ANKRA2: variants seen among roughly 807,000 people sequenced by gnomAD.
ANKRA2 encodes ankyrin repeat family A member 2, also known as ankyrin repeat family A protein 2.
In ANKRA2, 33 loss-of-function variants were observed where a neutral mutation model predicts 37.8. The observed-to-expected ratio is 0.87, with a 90% CI of 0.66 to 1.17. The LOEUF is 1.17. Among genes scored for constraint, ANKRA2 ranks in the 50% most tolerant of loss-of-function variants. The pLI, the probability that ANKRA2 is intolerant of heterozygous loss-of-function variation, is 0.00. For synonymous variants in ANKRA2, 126 were observed against 132.3 expected (o/e 0.95, Z 0.33); for missense variants, 326 against 373.7 (o/e 0.87, Z 1.05).
Position 73,554,977 on chromosome 5 carries a change from G to T in ANKRA2, c.622C>A (p.Pro208Thr). The T allele has an allele frequency of 1.2e-6, 2 of 1,613,082 alleles. No homozygotes were observed. The highest frequency in any genetic ancestry group is 1.7e-6 in the Non-Finnish European group (2 of 1,179,620). ...VEFLLQNGAD[P>T]QLLGKGRESA... ...TCTCGACCTTTTCCTAAAAGTTGGG[G>T]ATCAGCACCCTGGTATGGGAAGTAG... The change falls in exon 6 of 9, where the codon CCC becomes ACC. Residue 208 changes from proline (P) to threonine (T), a missense_variant. Coordinates refer to ENST00000296785, the MANE Select transcript of ANKRA2 (RefSeq NM_023039.5).
intron 6 of ANKRA2, 154 bp from the exon 7 acceptor site, chr5:73,554,542 G>A: frequency 1.7e-6 from 1 of 599,190 alleles, no homozygotes; most frequent in South Asian, 2.2e-5. Context: ...ACTAATAATT[G>A]AGTCTATGAT....
intron 3 of ANKRA2, among the ~76,000 whole-genome samples, chr5:73,559,352 CTTTTT>C (rs5868686): frequency 6.6e-6 from 1 of 151,858 alleles, no homozygotes; most frequent in Non-Finnish European, 1.5e-5. Context: ...TGCTGTTTTT[CTTTTT>C]TTTAACATAC....
chr5:73,555,224 C>CA lies in ANKRA2; in HGVS notation c.613-239dup, dbSNP rs1283452310. On this transcript the variant is annotated intron_variant, in intron 5 of 8. Transcript: ENST00000296785. Reference sequence around the variant, plus strand: ...CTCTGGAGTCAAGTCACAGCTCCTCCATGAAGCCTTCTCCTTCAAAGCTGA... The same window carrying CA: ...CTCTGGAGTCAAGTCACAGCTCCTCCAATGAAGCCTTCTCCTTCAAAGCTGA... The CA allele has an allele frequency of 2.4e-5, 31 of 1,310,402 alleles. No individual in the cohort carries two copies. The Admixed American group carries it at 8.8e-4, about 37-fold the overall frequency. The allele number at this position is 1,310,402 out of a possible 1,614,324, so 81.2% of individuals were successfully genotyped here. A position where few individuals can be genotyped will look rare whatever the true frequency, so the allele number is the denominator to read the frequency against.
chr5:73,564,843 T>A (rs1426281786), intron 1 of ANKRA2, among the ~76,000 whole-genome samples: 1 of 151,922 alleles, frequency 6.6e-6, no homozygotes, highest in East Asian at 1.9e-4. Context: ...GCAAAGTTGA[T>A]TGGTAGGCCA....
intron 2 of ANKRA2, 168 bp downstream of exon 2, chr5:73,562,425 T>C (rs1747581495): frequency 3.5e-6 from 2 of 579,290 alleles, no homozygotes; most frequent in African/African-American, 1.9e-5. Flanking sequence ...AATTAGATAT[T>C]ATATAATCTG....
At chr5:73,557,143 G>A (rs1404278879) in intron 4 of ANKRA2, among the ~76,000 whole-genome samples, 1 of 151,150 alleles carries the variant, frequency 6.6e-6, no homozygotes, top group Non-Finnish European at 1.5e-5. Flanking sequence ...GCAATACAAT[G>A]CACACTTATG....
intron 4 of ANKRA2, among the ~76,000 whole-genome samples, chr5:73,556,181 C>G (rs1197823569): frequency 6.6e-6 from 1 of 152,198 alleles, no homozygotes; most frequent in African/African-American, 2.4e-5. Context: ...AATGAATAGT[C>G]TGAAATACAG....
chr5:73,559,851 T>C (rs922621633), intron 3 of ANKRA2, among the ~76,000 whole-genome samples: 1 of 152,140 alleles, frequency 6.6e-6, no homozygotes, highest in South Asian at 2.1e-4. Context: ...CTTGACCTCC[T>C]GGGCTCAAGT....
At position 73,562,819 on chromosome 5, in the gene ANKRA2, A is replaced by T; in HGVS notation, c.63T>A (p.Thr21=). 6.2e-7 allele frequency: 1 copy of T among 1,614,174 alleles called. No homozygotes were observed. Among genetic ancestry groups the T allele is most frequent in the South Asian group, 1.1e-5 (1 of 91,084 alleles). Residue 21 remains threonine, a synonymous_variant, in exon 2 of 9, where the codon ACT becomes ACA. Coordinates refer to ENST00000296785, the MANE Select transcript of ANKRA2 (RefSeq NM_023039.5). ...AQLIVEECPS[T]YSLTGMPDIK... ...TGTCTGGCATGCCAGTTAGGCTATA[A>T]GTGCTGGGACACTCTTCCACGATAA...
intron 3 of ANKRA2, among the ~76,000 whole-genome samples, chr5:73,560,088 A>C (rs1747506791): frequency 6.6e-6 from 1 of 152,166 alleles, no homozygotes; most frequent in Admixed American, 6.5e-5. Flanking sequence ...TAAAAATGCA[A>C]GAATATATGA....
chr5:73,565,409 G>C lies in ANKRA2; in HGVS notation c.-382C>G. 1 of 228,498 alleles carries C rather than the reference G, an allele frequency of 4.4e-6. No homozygotes were observed. The highest frequency in any genetic ancestry group is 5.0e-5 in the South Asian group (1 of 20,196). The allele number at this position is 228,498 out of a possible 1,614,324, so 14.2% of individuals were successfully genotyped here. A position where few individuals can be genotyped will look rare whatever the true frequency, so the allele number is the denominator to read the frequency against. ...GCTTCAGTACAGGCCTCCAAGCCCGGGCTTGTTTTGGCCGCGACGTCACTT... is the reference window on the plus strand; with the variant it reads ...GCTTCAGTACAGGCCTCCAAGCCCGCGCTTGTTTTGGCCGCGACGTCACTT... On this transcript the variant is annotated 5_prime_UTR_variant, in exon 1 of 9. Coordinates refer to ENST00000296785, the MANE Select transcript of ANKRA2 (RefSeq NM_023039.5).
chr5:73,554,426 G>A (rs1215073405), intron 6 of ANKRA2, 38 bp from the exon 7 acceptor site: 2 of 1,429,314 alleles, frequency 1.4e-6, no homozygotes, highest in East Asian at 4.6e-5. Flanking sequence ...TTTTCACGGT[G>A]AGCAAGACTC....
chr5:73,554,851 A>T lies in ANKRA2; in HGVS notation c.738+10T>A. The T allele has an allele frequency of 1.9e-6, 3 of 1,610,162 alleles. No homozygotes were observed. Among genetic ancestry groups the T allele is most frequent in the Non-Finnish European group, 2.5e-6 (3 of 1,178,584 alleles). ...CTAGAGTCATTTTAAATTTAGTATT[A>T]CAAACTTACCCAATCATATTCATTT... On this transcript the variant is annotated intron_variant, in intron 6 of 8. Coordinates refer to ENST00000296785, the MANE Select transcript of ANKRA2 (RefSeq NM_023039.5).
In ANKRA2 at chr5:73,562,580, CAT is replaced by C; in HGVS notation, c.289+11_289+12del. The C allele has an allele frequency of 6.3e-7, 1 of 1,586,110 alleles. No individual in the cohort carries two copies. Among genetic ancestry groups the C allele is most frequent in the Non-Finnish European group, 8.6e-7 (1 of 1,166,270 alleles). On this transcript the variant is annotated intron_variant, in intron 2 of 8. Transcript: ENST00000296785. ...CAAAAACAAATGCAGATATTTATAC[CAT>C]AACTTTCAACCTTTAAATAGGACAG...
In ANKRA2 at chr5:73,553,480, C is replaced by G. The variant is rs781512404; in HGVS notation, c.812G>C (p.Gly271Ala). 2 of 1,611,974 alleles carry G rather than the reference C, an allele frequency of 1.2e-6. No individual in the cohort carries two copies. Among genetic ancestry groups the G allele is most frequent in the Non-Finnish European group, 1.7e-6 (2 of 1,178,382 alleles). Reference sequence around the variant, plus strand: ...GTCAGTTTCAATTGTTGGATCAGCCCCACTTTCTATACCAAAATAGAAAAA... The same window carrying G: ...GTCAGTTTCAATTGTTGGATCAGCCGCACTTTCTATACCAAAATAGAAAAA... The part of the protein sequence containing the change: ...VKCVKMLLES[G>A]ADPTIETDSG... The change falls in exon 8 of 9, where the codon GGG (glycine) becomes GCG (alanine). Residue 271 changes from glycine (G) to alanine (A), a missense_variant. Around this residue, in one of 3 missense-constraint regions of ANKRA2, gnomAD observed 228 missense variants for 260.2 expected, o/e 0.88. Coordinates refer to ENST00000296785, the MANE Select transcript of ANKRA2 (RefSeq NM_023039.5).
Position 73,565,378 on chromosome 5 carries a change from AGGCCAGC to A in ANKRA2, c.-358_-352del. ...ACAGCGAGTCGGGCCTTCCCATCTG[AGGCCAGC>A]TTCAGTACAGGCCTCCAAGCCCGGG... On this transcript the variant is annotated 5_prime_UTR_variant, in exon 1 of 9. Transcript: ENST00000296785. The A allele has an allele frequency of 6.3e-6, 1 of 158,054 alleles. No individual in the cohort carries two copies. The highest frequency in any genetic ancestry group is 1.5e-4 in the South Asian group (1 of 6,794). 9.8% of individuals were successfully genotyped at this position (158,054 alleles called of 1,614,324 possible).
At chr5:73,557,996 G>C (rs1200761338) in intron 3 of ANKRA2, among the ~76,000 whole-genome samples, 2 of 151,986 alleles carry the variant, frequency 1.3e-5, no homozygotes, top group African/African-American at 4.8e-5. Flanking sequence ...GGAATCACTT[G>C]AATCAGGGAG....
rs763876115 is a variant in ANKRA2 at position 73,561,210 on chromosome 5, A to G, written c.368T>C (p.Phe123Ser). 17 of 1,613,496 alleles carry G rather than the reference A, an allele frequency of 1.1e-5. No homozygotes were observed. The highest frequency in any genetic ancestry group is 8.5e-7 in the Non-Finnish European group (1 of 1,179,588). ...AGTGGTTGACTGTTTTATGGGTGAG[A>G]AATGCTTTGTTGTAGAGGGGGTGTA... Reference protein sequence around the residue: ...HVYTPSTTKHFSPIKQSTTLT... With the variant: ...HVYTPSTTKHSSPIKQSTTLT... The change falls in exon 3 of 9, where the codon TTC becomes TCC. Residue 123 changes from phenylalanine to serine, a missense_variant. Transcript: ENST00000296785.
chr5:73,563,766 A>G (rs1747621622), intron 1 of ANKRA2, among the ~76,000 whole-genome samples: 1 of 20,182 alleles, frequency 5.0e-5, no homozygotes, highest in Non-Finnish European at 1.5e-4. Context: ...ATTGCCTCTT[A>G]GGAATTTTGA....
Sources: gnomAD v4.1 joint callset for allele counts (sites outside exome capture counted in the v4.1 genomes callset) on GRCh38, gnomAD v4.1.1 for gene constraint, gnomAD v4.1.1 regional missense constraint, MANE v1.5 for transcripts, NCBI Gene and HGNC (gene_info 2026-07-23, HGNC 2026-07-21) for gene names.